IQSEC1: variants seen among roughly 807,000 people sequenced by gnomAD.
IQSEC1 encodes IQ motif and SEC7 domain-containing protein 1.
IQSEC1 carries 31 observed loss-of-function variants against 91.0 expected under a neutral mutation model. The observed-to-expected ratio is 0.34, with a 90% confidence interval of 0.26 to 0.46. IQSEC1 has a LOEUF of 0.46. IQSEC1 is among the 20% of genes least tolerant of loss of function. The pLI, the probability that IQSEC1 is intolerant of heterozygous loss-of-function variation, is 1.00. For synonymous variants in IQSEC1, 699 were observed against 662.6 expected, an observed-to-expected ratio of 1.05 and a Z score of -0.84; for missense variants, 1,388 against 1,575.6, an observed-to-expected ratio of 0.88 and a Z score of 2.02.
At chr3:13,109,464 C>T (rs1706204957) in intron 2 of IQSEC1, among the ~76,000 whole-genome samples, 2 of 152,084 alleles carry the variant, frequency 1.3e-5, no homozygotes, top group South Asian at 4.1e-4. Flanking sequence ...CTGCACCTGC[C>T]CCCAGAGGCT....
At chr3:13,132,423 G>A (rs1706636151) in intron 2 of IQSEC1, among the ~76,000 whole-genome samples, 2 of 152,106 alleles carry the variant, frequency 1.3e-5, no homozygotes, top group African/African-American at 2.4e-5. Context: ...GTTTTCTCAC[G>A]CTCACGAGCT....
At chr3:13,219,712 G>A (rs554732755) in intron 1 of IQSEC1, among the ~76,000 whole-genome samples, 10 of 152,338 alleles carry the variant, frequency 6.6e-5, no homozygotes, top group Middle Eastern at 3.4e-3. Context: ...CCCAAGGCCC[G>A]GCCACCTCAG....
intron 2 of IQSEC1, among the ~76,000 whole-genome samples, chr3:13,130,341 C>CAAAAAAAAAAAA (rs58162524): frequency 2.3e-4 from 14 of 61,744 alleles, no homozygotes; most frequent in South Asian, 6.6e-4. Context: ...GAGACTCTGT[C>CAAAAAAAAAAAA]AAAAAAAAAA....
At chr3:13,182,796 C>T (rs1693867266) in intron 1 of IQSEC1, among the ~76,000 whole-genome samples, 1 of 152,068 alleles carries the variant, frequency 6.6e-6, no homozygotes, top group Non-Finnish European at 1.5e-5. Flanking sequence ...AAAGCAGTAC[C>T]TGAAAGAAAT....
chr3:13,252,357 T>C (rs1380299542), intron 1 of IQSEC1, among the ~76,000 whole-genome samples: 1 of 152,242 alleles, frequency 6.6e-6, no homozygotes, highest in Admixed American at 6.5e-5. Context: ...ATCCACACTG[T>C]AGCATGTGTC....
chr3:13,239,926 G>A (rs1576306734), intron 1 of IQSEC1, among the ~76,000 whole-genome samples: 1 of 152,226 alleles, frequency 6.6e-6, no homozygotes, highest in Middle Eastern at 3.2e-3. Flanking sequence ...AGTTTGGGAG[G>A]AGGAAGGAGT....
chr3:13,066,553 AGT>A (rs897153302), intron 1 of IQSEC1, among the ~76,000 whole-genome samples: 6 of 152,218 alleles, frequency 3.9e-5, no homozygotes, highest in Admixed American at 3.9e-4. Context: ...CATGGGCAAG[AGT>A]GTGGCAGGGT....
chr3:13,040,721 TC>T (rs929022147), intron 1 of IQSEC1, among the ~76,000 whole-genome samples: 1 of 152,230 alleles, frequency 6.6e-6, no homozygotes, highest in Non-Finnish European at 1.5e-5. Context: ...TTTTAAAGCC[TC>T]TGGGTTTTTC....
chr3:13,247,157 G>A (rs1269533588), intron 1 of IQSEC1, among the ~76,000 whole-genome samples: 7 of 152,254 alleles, frequency 4.6e-5, no homozygotes, highest in Non-Finnish European at 1.5e-5. Flanking sequence ...GTCTGCAGGG[G>A]ACGGTTGCTA....
At chr3:13,221,566 G>A (rs560381501) in intron 1 of IQSEC1, among the ~76,000 whole-genome samples, 11 of 151,828 alleles carry the variant, frequency 7.2e-5, no homozygotes, top group African/African-American at 2.4e-4. Flanking sequence ...TGGCCAAGGA[G>A]GCCCTCCCAA....
chr3:13,120,210 C>G (rs1559259010), intron 2 of IQSEC1, among the ~76,000 whole-genome samples: 1 of 152,228 alleles, frequency 6.6e-6, no homozygotes, highest in South Asian at 2.1e-4. Flanking sequence ...AGGACAAAGA[C>G]TCTGTCCCTC....
intron 1 of IQSEC1, among the ~76,000 whole-genome samples, chr3:13,037,392 T>TA (rs1473798965): frequency 2.0e-5 from 3 of 152,108 alleles, no homozygotes; most frequent in African/African-American, 7.2e-5. Flanking sequence ...ATCACCAAAA[T>TA]ACACAAGAAC....
At chr3:13,046,718 G>C (rs1374212715) in intron 1 of IQSEC1, among the ~76,000 whole-genome samples, 1 of 150,624 alleles carries the variant, frequency 6.6e-6, no homozygotes, top group Non-Finnish European at 1.5e-5. Context: ...GCTCCCTTCC[G>C]GGACCACTTG....
At chr3:12,969,373 C>T (rs2125535108) in intron 1 of IQSEC1, among the ~76,000 whole-genome samples, 1 of 152,266 alleles carries the variant, frequency 6.6e-6, no homozygotes, top group South Asian at 2.1e-4. Flanking sequence ...ATCAAGACCG[C>T]AATACCACCT....
At chr3:13,027,084 G>A (rs137930445) in intron 1 of IQSEC1, among the ~76,000 whole-genome samples, 69 of 152,216 alleles carry the variant, frequency 4.5e-4, no homozygotes, top group Non-Finnish European at 8.7e-4. Flanking sequence ...CACATACACC[G>A]AGTTGGCCGA....
chr3:12,926,941 G>T (rs918800900), intron 3 of IQSEC1, among the ~76,000 whole-genome samples: 1 of 152,134 alleles, frequency 6.6e-6, no homozygotes, highest in Non-Finnish European at 1.5e-5. Flanking sequence ...GAGTGGCCCC[G>T]GTCCCTACCT....
intron 1 of IQSEC1, among the ~76,000 whole-genome samples, chr3:13,200,286 C>G (rs372177514): frequency 1.3e-4 from 20 of 151,650 alleles, no homozygotes; most frequent in Admixed American, 1.1e-3. Context: ...CACACATACT[C>G]CCCCCCCTTA....
chr3:13,255,806 A>G (rs924948471), intron 1 of IQSEC1, among the ~76,000 whole-genome samples: 1 of 152,178 alleles, frequency 6.6e-6, no homozygotes, highest in African/African-American at 2.4e-5. Flanking sequence ...CAGTGTTTCA[A>G]TGACTGATTT....
intron 1 of IQSEC1, 47 bp downstream of exon 1, chr3:13,072,945 C>A: frequency 6.6e-7 from 1 of 1,510,214 alleles, no homozygotes; most frequent in Admixed American, 2.0e-5. Flanking sequence ...CTCAGCCGGG[C>A]CCCTCTGGCC....
Sources: gnomAD v4.1 joint callset for allele counts (sites outside exome capture counted in the v4.1 genomes callset) on GRCh38, gnomAD v4.1.1 for gene constraint, MANE v1.5 for transcripts, NCBI Gene and HGNC (gene_info 2026-07-23, HGNC 2026-07-21) for gene names.